The following LAMB1 variants were observed in gnomAD, a reference collection of about 807,000 sequenced individuals.
The protein encoded by LAMB1 is laminin subunit beta-1.
Under a neutral mutation model 222.3 loss-of-function variants are expected in LAMB1, and 121 were observed. The observed-to-expected ratio is 0.54, with a 90% confidence interval of 0.47 to 0.63. LAMB1 has a LOEUF of 0.63. LAMB1 is among the 30% of genes least tolerant of loss of function. LAMB1 has a pLI of 0.00. For synonymous variants in LAMB1, 794 were observed against 807.2 expected (o/e 0.98, Z 0.28); for missense variants, 2,172 against 2,240.8 (o/e 0.97, Z 0.62).
Position 107,975,896 on chromosome 7 carries a change from G to A in LAMB1, c.1001-19C>T, listed in dbSNP as rs773066733. ...TTACATTCTGCGTGACAAGAGCAAC[G>A]TCAAGAAAAGCTTTTTAAATCTATG... On this transcript the variant is annotated intron_variant, in intron 9 of 33. Transcript: ENST00000222399. 8 of 1,607,614 alleles carry A rather than the reference G, an allele frequency of 5.0e-6. No individual in the cohort carries two copies. The highest frequency in any genetic ancestry group is 6.8e-6 in the Non-Finnish European group (8 of 1,176,496).
chr7:107,988,420 C>T (rs1435354927), intron 5 of LAMB1, among the ~76,000 whole-genome samples: 1 of 151,910 alleles, frequency 6.6e-6, no homozygotes, highest in Non-Finnish European at 1.5e-5. Context: ...TATTTGAAAC[C>T]TCCAAGTATA....
chr7:107,934,884 A>G (rs1305320848), intron 27 of LAMB1, among the ~76,000 whole-genome samples: 1 of 123,180 alleles, frequency 8.1e-6, no homozygotes, highest in African/African-American at 3.1e-5. Flanking sequence ...TGGGCAACGT[A>G]GTGAGACTCC....
chr7:107,959,573 C>T, intron 19 of LAMB1, 93 bp from the exon 20 acceptor site: 1 of 1,609,024 alleles, frequency 6.2e-7, no homozygotes, highest in Non-Finnish European at 8.5e-7. Flanking sequence ...ATTCAGAATG[C>T]TCATGGGTTG....
intron 32 of LAMB1, 37 bp downstream of exon 32, chr7:107,926,146 T>TA: frequency 6.3e-7 from 1 of 1,575,908 alleles, no homozygotes; most frequent in Non-Finnish European, 8.7e-7. Context: ...GTGGCTCCTT[T>TA]AACAACATAG....
rs1421295208 is a variant in LAMB1, at chr7:107,937,380, C to T, written c.3762-103G>A. ...ACTGTATCCATTACTAATTTCAAAC[C>T]AATTCAGTAATTTGTAACATTTCAT... On this transcript the variant is annotated intron_variant, in intron 25 of 33. Transcript: ENST00000222399. 5 of 846,300 alleles carry T rather than the reference C, an allele frequency of 5.9e-6. No individual in the cohort carries two copies. In the African/African-American group the frequency reaches 8.5e-5, roughly 14 times the overall value. 52.4% of individuals were successfully genotyped at this position (846,300 alleles called of 1,614,324 possible). A position where few individuals can be genotyped will look rare whatever the true frequency, so the allele number is the denominator to read the frequency against.
intron 24 of LAMB1, among the ~76,000 whole-genome samples, chr7:107,941,655 ATT>A (rs35218754): frequency 8.9e-4 from 128 of 143,550 alleles, no homozygotes; most frequent in East Asian, 1.0e-3. Flanking sequence ...GCTTTCTCGG[ATT>A]TTTTTTTTTT....
At chr7:107,998,748 G>T (rs2034326662) in intron 3 of LAMB1, among the ~76,000 whole-genome samples, 2 of 152,288 alleles carry the variant, frequency 1.3e-5, no homozygotes, top group South Asian at 4.1e-4. Flanking sequence ...GTTTCCACAA[G>T]CTATTAATTT....
chr7:107,942,467 TC>T (rs998977671), intron 24 of LAMB1: 1 of 152,194 alleles, frequency 6.6e-6, no homozygotes. Context: ...GTCTTTGTTC[TC>T]CCCCTACATT....
Position 107,935,483 on chromosome 7 carries a change from G to C in LAMB1, c.4120C>G (p.Gln1374Glu). The change falls in exon 27 of 34, where the codon CAG becomes GAG. Residue 1374 changes from glutamine to glutamate, a missense_variant. Gln to Glu is a conservative substitution (Grantham distance 29). Coordinates refer to ENST00000222399, the MANE Select transcript of LAMB1 (RefSeq NM_002291.3). ...GCCAGTTCATCAAGGAGGCGAGCCT[G>C]CTCCTCTTGTTTTTCCTTGAACTGG... ...ESQFKEKQEE[Q>E]ARLLDELAGK... The C allele has an allele frequency of 1.2e-6, 2 of 1,612,974 alleles. No homozygotes were observed. The highest frequency in any genetic ancestry group is 1.7e-6 in the Non-Finnish European group (2 of 1,179,874).
chr7:107,962,874 C>A, intron 15 of LAMB1, 31 bp downstream of exon 15: 2 of 1,593,192 alleles, frequency 1.3e-6, no homozygotes, highest in South Asian at 1.1e-5. Context: ...TCCCCTCCCT[C>A]CTCCACCAGT....
intron 26 of LAMB1, 88 bp downstream of exon 26, chr7:107,937,005 T>C: frequency 9.5e-7 from 1 of 1,053,926 alleles, no homozygotes; most frequent in Non-Finnish European, 1.3e-6. Flanking sequence ...TTAGAAAACT[T>C]TTTTTTTTCC....
chr7:107,981,372 T>C (rs972963013), intron 7 of LAMB1, among the ~76,000 whole-genome samples: 2 of 151,104 alleles, frequency 1.3e-5, no homozygotes, highest in Admixed American at 6.6e-5. Context: ...CGCTTGAACC[T>C]GGGAGGTGGA....
In LAMB1 at chr7:107,962,894, G is replaced by A; in HGVS notation, c.1857+11C>T. 1 of 1,608,678 alleles carries A rather than the reference G, an allele frequency of 6.2e-7. No individual in the cohort carries two copies. On this transcript the variant is annotated intron_variant, in intron 15 of 33. Coordinates refer to ENST00000222399, the MANE Select transcript of LAMB1 (RefSeq NM_002291.3). ...TCCCTCCTCCACCAGTCCACTAAGT[G>A]GTTTCTTTACCTGTGGCTCGTAGCG...
intron 24 of LAMB1, chr7:107,942,738 T>A (rs2033020056): frequency 6.6e-6 from 1 of 152,232 alleles, no homozygotes; most frequent in Non-Finnish European, 1.5e-5. Flanking sequence ...GTTTTTATTA[T>A]CACTTTTCGT....
In LAMB1 at chr7:107,942,727, T is replaced by A. The variant is rs957114804; in HGVS notation, c.3392-2369A>T. ...TATAGCAAGCATTCAATAAATAAAT[T>A]GTTTTTATTATCACTTTTCGTGTCC... On this transcript the variant is annotated intron_variant, in intron 24 of 33. Transcript: ENST00000222399. The A allele has an allele frequency of 4.6e-5, 7 of 152,108 alleles. No homozygotes were observed. In the East Asian group the frequency reaches 5.8e-4, roughly 13 times the overall value. 9.4% of individuals were successfully genotyped at this position (152,108 alleles called of 1,614,324 possible).
chr7:107,930,775 T>C (rs575375409), intron 29 of LAMB1, among the ~76,000 whole-genome samples: 1 of 152,352 alleles, frequency 6.6e-6, no homozygotes, highest in South Asian at 2.1e-4. Flanking sequence ...GCTGATATGC[T>C]TAAGATGGTA....
chr7:107,978,181 A>G lies in LAMB1; in HGVS notation c.880-14T>C. ...GTGTCCGTGAACCTTGAAAGTTATA[A>G]AAACAGGAGAGAACAAAGGAAGAGA... On this transcript the variant is annotated splice_polypyrimidine_tract_variant and intron_variant, in intron 8 of 33. Coordinates refer to ENST00000222399, the MANE Select transcript of LAMB1 (RefSeq NM_002291.3). 1.2e-6 allele frequency: 2 copies of G among 1,613,050 alleles called. No individual in the cohort carries two copies. Among genetic ancestry groups the G allele is most frequent in the Non-Finnish European group, 1.7e-6 (2 of 1,179,484 alleles).
intron 24 of LAMB1, among the ~76,000 whole-genome samples, chr7:107,943,849 T>C (rs948038749): frequency 6.6e-6 from 1 of 152,086 alleles, no homozygotes; most frequent in African/African-American, 2.4e-5. Context: ...GTGTGAGAGA[T>C]GGAGAAAGAG....
In LAMB1 at chr7:107,975,366, T is replaced by A. The variant is rs768053893; in HGVS notation, c.1237A>T (p.Ser413Cys). Reference sequence around the variant, plus strand: ...AGACCAGTAGAAAAATCAGTATAGCTGTCACAAATTCCCTCATTTTGAGAG... The same window carrying A: ...AGACCAGTAGAAAAATCAGTATAGCAGTCACAAATTCCCTCATTTTGAGAG... ...AGSQNEGICD[S>C]YTDFSTGLIA... is the part of the protein sequence containing the mutation. The change falls in exon 11 of 34, where the codon AGC becomes TGC. Residue 413 changes from serine (S) to cysteine (C), a missense_variant. Coordinates refer to ENST00000222399, the MANE Select transcript of LAMB1 (RefSeq NM_002291.3). The A allele has an allele frequency of 1.2e-6, 2 of 1,613,842 alleles. No homozygotes were observed. The highest frequency in any genetic ancestry group is 1.7e-6 in the Non-Finnish European group (2 of 1,179,944).
Sources: allele counts gnomAD v4.1 joint callset (sites outside exome capture counted in the v4.1 genomes callset), GRCh38; gene constraint gnomAD v4.1.1; transcripts MANE v1.5; gene names NCBI Gene and HGNC (gene_info 2026-07-23, HGNC 2026-07-21).